DENND1A: variants seen among roughly 807,000 people sequenced by gnomAD.
DENND1A encodes DENN domain containing 1A.
DENND1A carries 51 observed loss-of-function variants against 113.7 expected under a neutral mutation model. That is an observed-to-expected ratio of 0.45 (90% CI 0.36 to 0.57). The LOEUF is 0.57. Among genes scored for constraint, DENND1A ranks in the 20% least tolerant of loss-of-function variants. DENND1A has a pLI of 0.00. For missense variants in DENND1A, 1,258 were observed against 1,395.9 expected, an observed-to-expected ratio of 0.90 and a Z score of 1.57; for synonymous variants, 565 against 570.8, an observed-to-expected ratio of 0.99 and a Z score of 0.14.
chr9:123,849,780 A>C (rs370736954), intron 2 of DENND1A, among the ~76,000 whole-genome samples: 1 of 152,216 alleles, frequency 6.6e-6, no homozygotes, highest in East Asian at 1.9e-4. Context: ...GATTTGTGGG[A>C]GGTCAAAATA....
intron 5 of DENND1A, among the ~76,000 whole-genome samples, chr9:123,724,128 G>A (rs2067527709): frequency 2.0e-5 from 3 of 152,112 alleles, no homozygotes; most frequent in Non-Finnish European, 2.9e-5. Context: ...TAGTCATAAT[G>A]CTTGGTGCTC....
At chr9:123,824,097 G>T (rs1243240848) in intron 2 of DENND1A, among the ~76,000 whole-genome samples, 1 of 152,048 alleles carries the variant, frequency 6.6e-6, no homozygotes, top group East Asian at 1.9e-4. Flanking sequence ...AATTATCAAG[G>T]TGATAATTCT....
At chr9:123,529,321 C>T (rs1453347774) in intron 13 of DENND1A, among the ~76,000 whole-genome samples, 1 of 152,072 alleles carries the variant, frequency 6.6e-6, no homozygotes, top group Non-Finnish European at 1.5e-5. Flanking sequence ...GCTTAGACCC[C>T]TTCTCCCCCG....
rs564824791 is a variant in DENND1A at position 123,381,698 on chromosome 9, G to A, written c.2947C>T (p.Arg983Ter). 1.9e-6 allele frequency: 3 copies of A among 1,562,226 alleles called. No homozygotes were observed. Among genetic ancestry groups the A allele is most frequent in the African/African-American group, 1.4e-5 (1 of 73,570 alleles). Residue 983 changes from arginine to a stop codon, truncating the protein, a stop_gained, in exon 24 of 24, where the codon CGA (arginine) becomes TGA (stop). Coordinates refer to ENST00000394215, the MANE Select transcript of DENND1A (RefSeq NM_001352964.2). LOFTEE classifies it high-confidence loss of function. This position sits in a 1 kb window ranked among gnomAD's most constrained non-coding sequence, Gnocchi z 4.7. ...GPPAVAPSRI[R>*]TLPLARSSAR... is the part of the protein sequence containing the mutation. ...CTTGAGCGGGCCAGGGGCAACGTTC[G>A]GATCCTCGACGGGGCAACTGCTGGG...
intron 6 of DENND1A, among the ~76,000 whole-genome samples, chr9:123,674,392 AC>A (rs1351773028): frequency 1.4e-5 from 2 of 142,578 alleles, no homozygotes; most frequent in East Asian, 2.0e-4. Context: ...ACACACACAC[AC>A]AATAGAAGCC....
chr9:123,688,836 G>A (rs1021857891), intron 5 of DENND1A, among the ~76,000 whole-genome samples: 1 of 151,910 alleles, frequency 6.6e-6, no homozygotes, highest in Non-Finnish European at 1.5e-5. Context: ...TGTACAGATG[G>A]CACTGCTTTA....
intron 13 of DENND1A, among the ~76,000 whole-genome samples, chr9:123,537,869 G>A (rs886967803): frequency 9.9e-5 from 15 of 152,154 alleles, no homozygotes; most frequent in African/African-American, 2.9e-4. Context: ...TTTTAACAAC[G>A]GACAGAATAT....
intron 19 of DENND1A, among the ~76,000 whole-genome samples, chr9:123,421,056 G>A (rs1046162073): frequency 5.4e-5 from 8 of 147,644 alleles, no homozygotes; most frequent in South Asian, 2.3e-4. Flanking sequence ...GGAGGCAGGC[G>A]CCTTGCTGCT....
chr9:123,443,367 G>A (rs1028192447), intron 18 of DENND1A, among the ~76,000 whole-genome samples: 2 of 152,160 alleles, frequency 1.3e-5, no homozygotes, highest in African/African-American at 4.8e-5. Flanking sequence ...TTGGGGTCTG[G>A]GTTCTCTAAC....
At chr9:123,556,060 T>A (rs1349658564) in intron 13 of DENND1A, among the ~76,000 whole-genome samples, 1 of 152,226 alleles carries the variant, frequency 6.6e-6, no homozygotes, top group Admixed American at 6.5e-5. Context: ...GGACCCAAGA[T>A]CGTGACAAGT....
chr9:123,537,804 C>T (rs1469887136), intron 13 of DENND1A, among the ~76,000 whole-genome samples: 1 of 152,224 alleles, frequency 6.6e-6, no homozygotes, highest in African/African-American at 2.4e-5. Context: ...CAAGGATCTT[C>T]CATCCAGCAA....
intron 2 of DENND1A, among the ~76,000 whole-genome samples, chr9:123,858,727 G>GATCAGTCTGTA (rs1844643947): frequency 6.6e-6 from 1 of 152,158 alleles, no homozygotes; most frequent in East Asian, 1.9e-4. Context: ...GCTGAGAAAT[G>GATCAGTCTGTA]ATCAGTCTGT....
At chr9:123,908,590 T>A (rs1853349012) in intron 1 of DENND1A, among the ~76,000 whole-genome samples, 1 of 149,552 alleles carries the variant, frequency 6.7e-6, no homozygotes, top group Non-Finnish European at 1.5e-5. Flanking sequence ...AAAAGACACA[T>A]GAAAAAATGC....
At chr9:123,908,710 G>A (rs1853377053) in intron 1 of DENND1A, among the ~76,000 whole-genome samples, 1 of 150,700 alleles carries the variant, frequency 6.6e-6, no homozygotes, top group South Asian at 2.1e-4. Flanking sequence ...AGGTGCTGGA[G>A]AGGATGTGGA....
At chr9:123,570,652 A>C (rs988672264) in intron 12 of DENND1A, among the ~76,000 whole-genome samples, 1 of 152,230 alleles carries the variant, frequency 6.6e-6, no homozygotes, top group African/African-American at 2.4e-5. Flanking sequence ...AAAGCCTAGC[A>C]CATAGTAGGT....
intron 11 of DENND1A, among the ~76,000 whole-genome samples, chr9:123,598,494 A>T (rs2059802021): frequency 6.6e-6 from 1 of 150,984 alleles, no homozygotes; most frequent in Non-Finnish European, 1.5e-5. Context: ...CCAAAGTCCC[A>T]AATGCATCTC....
intron 21 of DENND1A, 36 bp downstream of exon 21, chr9:123,403,366 G>C (rs2043658446): frequency 6.2e-7 from 1 of 1,608,998 alleles, no homozygotes; most frequent in African/African-American, 1.3e-5. Context: ...CAGACACAGG[G>C]TTCTTACAGA....
intron 9 of DENND1A, among the ~76,000 whole-genome samples, chr9:123,632,578 C>G (rs991728992): frequency 6.6e-6 from 1 of 152,060 alleles, no homozygotes; most frequent in African/African-American, 2.4e-5. Context: ...TGCCAGAGCG[C>G]TCCTCCTCAA....
At chr9:123,678,612 G>A (rs370943275) in intron 5 of DENND1A, among the ~76,000 whole-genome samples, 1 of 152,222 alleles carries the variant, frequency 6.6e-6, no homozygotes, top group East Asian at 1.9e-4. Flanking sequence ...TAAATGAAGT[G>A]AGAGGCAACA....
Sources: allele counts gnomAD v4.1 joint callset (sites outside exome capture counted in the v4.1 genomes callset), GRCh38; gene constraint gnomAD v4.1.1; non-coding constraint Gnocchi (gnomAD v3.1); transcripts MANE v1.5; gene names NCBI Gene and HGNC (gene_info 2026-07-23, HGNC 2026-07-21).